Variants in HMGCLL1 observed in about 807,000 individuals in gnomAD.
The protein encoded by HMGCLL1 is 3-hydroxymethyl-3-methylglutaryl-CoA lyase, cytoplasmic.
A neutral mutation model predicts 39.1 loss-of-function variants in HMGCLL1; 36 were observed. The observed-to-expected ratio is 0.92, with a 90% CI of 0.71 to 1.22. The LOEUF (loss-of-function observed/expected upper bound fraction) is 1.22. Among genes scored for constraint, HMGCLL1 ranks in the 50% most tolerant of loss-of-function variants. The pLI, the probability that HMGCLL1 is intolerant of heterozygous loss-of-function variation, is 0.00. For missense variants in HMGCLL1, 451 were observed against 416.5 expected, an observed-to-expected ratio of 1.08 and a Z score of -0.72; for synonymous variants, 149 against 144.0, an observed-to-expected ratio of 1.03 and a Z score of -0.25.
intron 7 of HMGCLL1, among the ~76,000 whole-genome samples, chr6:55,454,204 A>G (rs1388354375): frequency 6.6e-6 from 1 of 152,190 alleles, no homozygotes; most frequent in Non-Finnish European, 1.5e-5. Flanking sequence ...AAAAGATAGG[A>G]CACAGTGATT....
At chr6:55,663,941 T>G in the HMGCLL1 span, among the ~76,000 whole-genome samples, 1 of 151,924 alleles carries the variant, frequency 6.6e-6, no homozygotes, top group African/African-American at 2.4e-5. Flanking sequence ...CTTTCTCTGT[T>G]TTGATCTTTG....
At chr6:55,485,698 C>A (rs1324217178) in intron 7 of HMGCLL1, among the ~76,000 whole-genome samples, 2 of 151,846 alleles carry the variant, frequency 1.3e-5, no homozygotes. Flanking sequence ...TATGAAAGAA[C>A]TGTTCAGCCC....
At chr6:55,624,061 G>A in the HMGCLL1 span, among the ~76,000 whole-genome samples, 7 of 152,090 alleles carry the variant, frequency 4.6e-5, no homozygotes, top group Admixed American at 2.0e-4. Context: ...AGTAGTCTCC[G>A]AAATGTCTGA....
intron 5 of HMGCLL1, among the ~76,000 whole-genome samples, chr6:55,501,441 G>A (rs1285932165): frequency 2.0e-5 from 3 of 151,866 alleles, no homozygotes; most frequent in Non-Finnish European, 4.4e-5. Context: ...AAATGTTATT[G>A]TCTGGAACTT....
At chr6:55,522,334 T>C (rs753440809) in intron 3 of HMGCLL1, among the ~76,000 whole-genome samples, 14 of 151,972 alleles carry the variant, frequency 9.2e-5, no homozygotes, top group Non-Finnish European at 1.6e-4. Flanking sequence ...AATTCTTTCA[T>C]TTTCAAGTCC....
intron 3 of HMGCLL1, among the ~76,000 whole-genome samples, chr6:55,517,620 T>C (rs944343061): frequency 2.6e-5 from 4 of 151,802 alleles, no homozygotes; most frequent in Non-Finnish European, 5.9e-5. Flanking sequence ...TAAAAGCAAA[T>C]AAATCCAAAC....
intron 7 of HMGCLL1, among the ~76,000 whole-genome samples, chr6:55,486,268 A>T (rs2127416968): frequency 6.6e-6 from 1 of 152,100 alleles, no homozygotes; most frequent in South Asian, 2.1e-4. Context: ...AAATTATTGG[A>T]AAACAAGCCA....
intron 3 of HMGCLL1, among the ~76,000 whole-genome samples, chr6:55,517,163 G>T (rs946222305): frequency 3.9e-5 from 6 of 152,078 alleles, no homozygotes; most frequent in African/African-American, 1.4e-4. Context: ...GTATTACCAC[G>T]TTTTCATATG....
At chr6:55,457,291 A>G (rs752639323) in intron 7 of HMGCLL1, among the ~76,000 whole-genome samples, 1 of 152,188 alleles carries the variant, frequency 6.6e-6, no homozygotes, top group Admixed American at 6.5e-5. Flanking sequence ...CAATTTCACC[A>G]GAAAGTTCTG....
At chr6:55,551,806 T>C (rs1287312352) in intron 1 of HMGCLL1, among the ~76,000 whole-genome samples, 1 of 152,074 alleles carries the variant, frequency 6.6e-6, no homozygotes, top group Non-Finnish European at 1.5e-5. Context: ...CTTATTTAAA[T>C]GGTATGCAGC....
chr6:55,464,175 T>C (rs1764700894), intron 7 of HMGCLL1, among the ~76,000 whole-genome samples: 1 of 152,162 alleles, frequency 6.6e-6, no homozygotes, highest in African/African-American at 2.4e-5. Context: ...TAATGTACAA[T>C]ATCAACTGAA....
At chr6:55,473,816 T>C (rs1350717865) in intron 7 of HMGCLL1, among the ~76,000 whole-genome samples, 1 of 151,450 alleles carries the variant, frequency 6.6e-6, no homozygotes, top group Non-Finnish European at 1.5e-5. Flanking sequence ...CTTCAGTTCT[T>C]GTTTTTCTGA....
At chr6:55,505,126 G>C (rs1340776231) in intron 5 of HMGCLL1, among the ~76,000 whole-genome samples, 1 of 151,564 alleles carries the variant, frequency 6.6e-6, no homozygotes, top group Non-Finnish European at 1.5e-5. Context: ...AAGAAGACGT[G>C]AAGTGTTTCA....
the HMGCLL1 span, among the ~76,000 whole-genome samples, chr6:55,613,926 C>A: frequency 6.6e-6 from 1 of 152,040 alleles, no homozygotes; most frequent in Non-Finnish European, 1.5e-5. Context: ...TATCCCAGAA[C>A]TTAAAGTAAA....
the HMGCLL1 span, among the ~76,000 whole-genome samples, chr6:55,676,537 TG>T: frequency 6.6e-6 from 1 of 152,140 alleles, no homozygotes; most frequent in African/African-American, 2.4e-5. Flanking sequence ...CCCTTCTCCA[TG>T]GCCCTTTACC....
the HMGCLL1 span, among the ~76,000 whole-genome samples, chr6:55,618,115 T>G: frequency 6.6e-6 from 1 of 151,958 alleles, no homozygotes; most frequent in Non-Finnish European, 1.5e-5. Flanking sequence ...AACTATAATA[T>G]AGTGTAAAAC....
At chr6:55,469,484 T>C (rs530235262) in intron 7 of HMGCLL1, among the ~76,000 whole-genome samples, 1 of 146,284 alleles carries the variant, frequency 6.8e-6, no homozygotes, top group African/African-American at 2.6e-5. Context: ...TGTGTGTGTA[T>C]ATATATATAT....
At chr6:55,652,517 A>G in the HMGCLL1 span, among the ~76,000 whole-genome samples, 1 of 152,164 alleles carries the variant, frequency 6.6e-6, no homozygotes. Context: ...AGAGAATAGA[A>G]TGTTCTCCAT....
chr6:55,580,480 ATGTCGGCTCAC>A (rs1392643825), upstream of HMGCLL1, among the ~76,000 whole-genome samples: 2 of 122,444 alleles, frequency 1.6e-5, no homozygotes, highest in Admixed American at 1.1e-4. Context: ...CAGTGGCGCG[ATGTCGGCTCAC>A]TGAAAGCTTC....
Sources: allele counts gnomAD v4.1 joint callset (sites outside exome capture counted in the v4.1 genomes callset), GRCh38; gene constraint gnomAD v4.1.1; transcripts MANE v1.5; gene names NCBI Gene and HGNC (gene_info 2026-07-23, HGNC 2026-07-21).